The following NKAIN2 variants were observed in gnomAD, a reference collection of about 807,000 sequenced individuals.
The protein encoded by NKAIN2 is sodium/potassium transporting ATPase interacting 2.
NKAIN2 carries 14 observed loss-of-function variants against 32.6 expected under a neutral mutation model. The observed-to-expected ratio is 0.43, with a 90% CI of 0.28 to 0.67. NKAIN2 has a LOEUF of 0.67. NKAIN2 is among the 30% of genes least tolerant of loss of function. The probability of loss-of-function intolerance (pLI) is 0.17; values close to 1 mark genes in which losing one functional copy is unlikely to be tolerated. For synonymous variants in NKAIN2, 80 were observed against 87.2 expected, an observed-to-expected ratio of 0.92 and a Z score of 0.46; for missense variants, 198 against 258.3, an observed-to-expected ratio of 0.77 and a Z score of 1.60.
At chr6:124,452,295 A>C (rs772161914) in intron 3 of NKAIN2, among the ~76,000 whole-genome samples, 3 of 151,984 alleles carry the variant, frequency 2.0e-5, no homozygotes, top group Non-Finnish European at 4.4e-5. Context: ...CCTTTTGCAA[A>C]CCTCAGTTTG....
chr6:124,470,941 C>G (rs1418940304), intron 3 of NKAIN2, among the ~76,000 whole-genome samples: 1 of 152,066 alleles, frequency 6.6e-6, no homozygotes, highest in Non-Finnish European at 1.5e-5. Context: ...AGGGTCAAAT[C>G]TGGTTCTCAG....
At chr6:124,058,721 G>A (rs1782783725) in intron 1 of NKAIN2, among the ~76,000 whole-genome samples, 1 of 151,948 alleles carries the variant, frequency 6.6e-6, no homozygotes, top group Non-Finnish European at 1.5e-5. Flanking sequence ...TTAAATGAAT[G>A]GAAGAAAGAG....
At chr6:124,687,939 C>CT (rs1219850337) in intron 4 of NKAIN2, among the ~76,000 whole-genome samples, 5 of 151,548 alleles carry the variant, frequency 3.3e-5, no homozygotes, top group Non-Finnish European at 5.9e-5. Context: ...AACATCCTGC[C>CT]TTTTTATCAC....
intron 1 of NKAIN2, among the ~76,000 whole-genome samples, chr6:124,022,600 A>G (rs747246099): frequency 6.6e-6 from 1 of 152,216 alleles, no homozygotes; most frequent in South Asian, 2.1e-4. Flanking sequence ...TTAACCATTT[A>G]GTTTTAAAAT....
At chr6:124,069,145 A>G (rs191172733) in intron 1 of NKAIN2, among the ~76,000 whole-genome samples, 38 of 152,176 alleles carry the variant, frequency 2.5e-4, no homozygotes, top group Admixed American at 2.2e-3. Context: ...GTTGCCCAAC[A>G]TATCATGTTT....
chr6:124,344,313 G>T (rs564146101), intron 2 of NKAIN2, among the ~76,000 whole-genome samples: 2 of 151,892 alleles, frequency 1.3e-5, no homozygotes, highest in Non-Finnish European at 2.9e-5. Flanking sequence ...TTGGTGATGC[G>T]GGCTCTTTTT....
intron 2 of NKAIN2, among the ~76,000 whole-genome samples, chr6:124,291,036 A>G (rs1354030263): frequency 6.6e-6 from 1 of 152,100 alleles, no homozygotes; most frequent in Non-Finnish European, 1.5e-5. Context: ...TTGATATTCT[A>G]CAAACAACTT....
chr6:123,836,264 CAAAA>C (rs1485209898), intron 1 of NKAIN2, among the ~76,000 whole-genome samples: 38 of 151,854 alleles, frequency 2.5e-4, no homozygotes, highest in African/African-American at 8.7e-4. Context: ...GACTTATTTC[CAAAA>C]GGTAATATAT....
At chr6:124,038,031 G>A (rs573929283) in intron 1 of NKAIN2, among the ~76,000 whole-genome samples, 58 of 152,120 alleles carry the variant, frequency 3.8e-4, no homozygotes, top group Non-Finnish European at 5.6e-4. Flanking sequence ...TATGAATTCC[G>A]TAAGTTGTCT....
chr6:124,599,941 T>C (rs1023477590), intron 3 of NKAIN2, among the ~76,000 whole-genome samples: 1 of 152,086 alleles, frequency 6.6e-6, no homozygotes, highest in Admixed American at 6.6e-5. Context: ...GAGCATCAAA[T>C]AGCCTGTCAA....
intron 1 of NKAIN2, among the ~76,000 whole-genome samples, chr6:124,270,212 T>A (rs2114874268): frequency 6.6e-6 from 1 of 152,268 alleles, no homozygotes; most frequent in Admixed American, 6.5e-5. Flanking sequence ...CATTGTTAAG[T>A]CACTGCCTCA....
intron 3 of NKAIN2, among the ~76,000 whole-genome samples, chr6:124,561,852 C>G (rs1780707442): frequency 6.6e-6 from 1 of 152,228 alleles, no homozygotes; most frequent in South Asian, 2.1e-4. Context: ...CTGCAGCTGT[C>G]AGCTCTCTGG....
intron 4 of NKAIN2, among the ~76,000 whole-genome samples, chr6:124,721,537 T>C (rs1019026396): frequency 1.3e-5 from 2 of 152,222 alleles, no homozygotes; most frequent in Non-Finnish European, 1.5e-5. Flanking sequence ...CAAGTTTTAC[T>C]TGTGAATTAC....
At chr6:124,474,459 C>T (rs940280184) in intron 3 of NKAIN2, among the ~76,000 whole-genome samples, 8 of 152,170 alleles carry the variant, frequency 5.3e-5, no homozygotes, top group Non-Finnish European at 8.8e-5. Flanking sequence ...ATTCTTCAAA[C>T]GGAACCACTT....
chr6:124,501,305 G>A (rs1236708144), intron 3 of NKAIN2, among the ~76,000 whole-genome samples: 1 of 152,076 alleles, frequency 6.6e-6, no homozygotes. Context: ...CAATAAATGA[G>A]GACAGGAATG....
intron 1 of NKAIN2, among the ~76,000 whole-genome samples, chr6:123,858,124 T>A (rs998385698): frequency 4.6e-5 from 7 of 151,942 alleles, no homozygotes; most frequent in African/African-American, 1.7e-4. Context: ...ATTATTATTT[T>A]TTTTTTTTTG....
intron 1 of NKAIN2, among the ~76,000 whole-genome samples, chr6:124,151,934 C>T (rs977877333): frequency 6.6e-6 from 1 of 151,884 alleles, no homozygotes; most frequent in Non-Finnish European, 1.5e-5. Flanking sequence ...TTTTCGTACA[C>T]TATCTCTTGA....
At chr6:123,912,313 GTA>G (rs1775255835) in intron 1 of NKAIN2, among the ~76,000 whole-genome samples, 1 of 151,858 alleles carries the variant, frequency 6.6e-6, no homozygotes, top group African/African-American at 2.4e-5. Context: ...AATAAATAAT[GTA>G]TATATTTACA....
At chr6:124,399,478 C>G (rs78808298) in intron 3 of NKAIN2, among the ~76,000 whole-genome samples, 9,511 of 152,246 alleles carry the variant, frequency 0.062, 841 homozygotes, top group African/African-American at 0.2. Context: ...AGAGAAACCT[C>G]TAACACTCAT....
Sources: allele counts gnomAD v4.1 joint callset (sites outside exome capture counted in the v4.1 genomes callset), GRCh38; gene constraint gnomAD v4.1.1; transcripts MANE v1.5; gene names NCBI Gene and HGNC (gene_info 2026-07-23, HGNC 2026-07-21).